Variants in RBP7 observed in about 807,000 individuals in gnomAD.
The protein encoded by RBP7 is retinoid-binding protein 7.
Under a neutral mutation model 16.7 loss-of-function variants are expected in RBP7, and 13 were observed. The ratio of observed to expected loss-of-function variants is 0.78; its 90% CI spans 0.51 to 1.24. The LOEUF (loss-of-function observed/expected upper bound fraction) is 1.24. RBP7 is among the 50% of genes most tolerant of loss of function. The probability of loss-of-function intolerance (pLI) is 0.00; values close to 1 mark genes in which losing one functional copy is unlikely to be tolerated. For missense variants in RBP7, 145 were observed against 159.5 expected, an observed-to-expected ratio of 0.91 and a Z score of 0.49; for synonymous variants, 54 against 56.2, an observed-to-expected ratio of 0.96 and a Z score of 0.17.
chr1:10,001,178 C>G (rs1255033603), intron 1 of RBP7, among the ~76,000 whole-genome samples: 1 of 152,194 alleles, frequency 6.6e-6, no homozygotes, highest in African/African-American at 2.4e-5. Flanking sequence ...AAATCACTCC[C>G]TTTTGTCTAA....
At chr1:10,003,255 A>G (rs912465211) in intron 1 of RBP7, among the ~76,000 whole-genome samples, 19 of 152,058 alleles carry the variant, frequency 1.2e-4, no homozygotes, top group Non-Finnish European at 2.1e-4. Context: ...GGTGAAACCC[A>G]TCTCTACCAA....
At chr1:10,003,372 C>T (rs994924476) in intron 1 of RBP7, among the ~76,000 whole-genome samples, 3 of 152,102 alleles carry the variant, frequency 2.0e-5, no homozygotes, top group African/African-American at 4.8e-5. Flanking sequence ...TTGCAGTGAG[C>T]CAAGATCGTG....
At chr1:10,014,339 A>T (rs1299702585) in intron 3 of RBP7, among the ~76,000 whole-genome samples, 1 of 151,160 alleles carries the variant, frequency 6.6e-6, no homozygotes, top group Non-Finnish European at 1.5e-5. Flanking sequence ...ACTTTGCCCT[A>T]TGCGTCTCTT....
chr1:10,004,563 C>T lies in RBP7; in HGVS notation c.74-3007C>T, dbSNP rs548482093. Among the ~76,000 whole-genome samples the T allele has an allele frequency of 6.4e-4, 98 of 152,086 alleles. 2 individuals carry two copies. Among genetic ancestry groups the T allele is most frequent in the Non-Finnish European group, 1.3e-3 (90 of 67,998 alleles). On this transcript the variant is annotated intron_variant, in intron 1 of 3. Coordinates refer to ENST00000294435, the MANE Select transcript of RBP7 (RefSeq NM_052960.3). ...GCTAATTTTGTATTTTTAGTAGAGA[C>T]GGGGTTTCTCCATATTGGTCAGGCT...
chr1:10,002,183 T>C (rs1480157818), intron 1 of RBP7, among the ~76,000 whole-genome samples: 2 of 152,142 alleles, frequency 1.3e-5, no homozygotes, highest in African/African-American at 4.8e-5. Flanking sequence ...TGCCTTGAGA[T>C]TAGAAGTGGC....
chr1:10,006,004 A>G lies in RBP7; in HGVS notation c.74-1566A>G, dbSNP rs528714300. The stretch of plus-strand genomic sequence containing the variant: ...CCAGGGCTCCCTGGATTTCTGCCTT[A>G]AACTATTTTCCCAGAAATCTGTGTG... On this transcript the variant is annotated intron_variant, in intron 1 of 3. Transcript: ENST00000294435. Among the ~76,000 whole-genome samples, 6 of 152,286 alleles carry G rather than the reference A, an allele frequency of 3.9e-5. 1 individual carries two copies. In the South Asian group the frequency reaches 1.0e-3, roughly 26 times the overall value.
intron 3 of RBP7, 77 bp from the exon 4 acceptor site, chr1:10,015,705 T>TA (rs1642757353): frequency 1.6e-6 from 2 of 1,254,990 alleles, no homozygotes; most frequent in South Asian, 1.2e-5. Flanking sequence ...TAAAACACAA[T>TA]AAAAAATAAG....
intron 1 of RBP7, among the ~76,000 whole-genome samples, chr1:9,999,886 C>T (rs1057291792): frequency 2.1e-5 from 3 of 145,638 alleles, no homozygotes; most frequent in Admixed American, 1.4e-4. Flanking sequence ...GGCGCGATCT[C>T]GGTGTGAGCC....
At chr1:10,000,260 G>T (rs1642240065) in intron 1 of RBP7, among the ~76,000 whole-genome samples, 1 of 151,162 alleles carries the variant, frequency 6.6e-6, no homozygotes, top group Non-Finnish European at 1.5e-5. Context: ...AGACTGGGCA[G>T]GTGGCTCACG....
chr1:9,999,581 T>C (rs1642229397), intron 1 of RBP7, among the ~76,000 whole-genome samples: 1 of 151,986 alleles, frequency 6.6e-6, no homozygotes, highest in Non-Finnish European at 1.5e-5. Context: ...AGTTACCCAC[T>C]CTTGGATATG....
At chr1:10,000,864 T>C (rs1642260142) in intron 1 of RBP7, among the ~76,000 whole-genome samples, 2 of 151,912 alleles carry the variant, frequency 1.3e-5, no homozygotes, top group African/African-American at 4.8e-5. Flanking sequence ...GCCTCCTGAG[T>C]AGCTGGTATT....
chr1:10,009,663 C>T (rs1642561662), intron 3 of RBP7, among the ~76,000 whole-genome samples: 2 of 151,684 alleles, frequency 1.3e-5, no homozygotes, highest in African/African-American at 4.8e-5. Context: ...TCCCGAGTAG[C>T]TGGGACTACA....
intron 1 of RBP7, among the ~76,000 whole-genome samples, chr1:9,999,284 C>T (rs776515915): frequency 5.3e-5 from 8 of 152,068 alleles, no homozygotes; most frequent in African/African-American, 9.7e-5. Flanking sequence ...CGGTGGCTCA[C>T]GCCTGTAATC....
At chr1:10,008,562 T>C (rs534211470) in intron 3 of RBP7, among the ~76,000 whole-genome samples, 2 of 151,090 alleles carry the variant, frequency 1.3e-5, no homozygotes, top group African/African-American at 4.9e-5. Context: ...TGCCTCAGCC[T>C]CCCGAGTAGC....
At chr1:9,998,974 C>T (rs1642221719) in intron 1 of RBP7, among the ~76,000 whole-genome samples, 1 of 152,096 alleles carries the variant, frequency 6.6e-6, no homozygotes, top group African/African-American at 2.4e-5. Flanking sequence ...TGTGTCCCCA[C>T]CCAAATCTCA....
chr1:10,002,936 C>G (rs953994802), intron 1 of RBP7, among the ~76,000 whole-genome samples: 1 of 152,094 alleles, frequency 6.6e-6, no homozygotes, highest in Non-Finnish European at 1.5e-5. Context: ...AAGCCAGAAG[C>G]GGGGCTTGGG....
intron 3 of RBP7, among the ~76,000 whole-genome samples, chr1:10,013,805 C>T (rs1031058847): frequency 1.3e-5 from 2 of 151,602 alleles, no homozygotes; most frequent in African/African-American, 4.8e-5. Flanking sequence ...AGCAAGACTC[C>T]GTCGCAAAAA....
intron 3 of RBP7, among the ~76,000 whole-genome samples, chr1:10,009,761 A>G (rs1642565263): frequency 6.6e-6 from 1 of 152,006 alleles, no homozygotes; most frequent in Admixed American, 6.6e-5. Flanking sequence ...CGAACTCCTG[A>G]CCTCAAGTGA....
chr1:10,005,843 A>G (rs1316396332), intron 1 of RBP7, among the ~76,000 whole-genome samples: 1 of 152,086 alleles, frequency 6.6e-6, no homozygotes, highest in Non-Finnish European at 1.5e-5. Context: ...GATTACAGGC[A>G]TGAGCCACCA....
Sources: gnomAD v4.1 joint callset for allele counts (sites outside exome capture counted in the v4.1 genomes callset) on GRCh38, gnomAD v4.1.1 for gene constraint, MANE v1.5 for transcripts, NCBI Gene and HGNC (gene_info 2026-07-23, HGNC 2026-07-21) for gene names.